SYNE2: variants seen among roughly 807,000 people sequenced by gnomAD.
SYNE2 encodes the protein spectrin repeat containing nuclear envelope protein 2.
In SYNE2, 431 loss-of-function variants were observed where a neutral mutation model predicts 856.3. The ratio of observed to expected loss-of-function variants is 0.50; its 90% confidence interval spans 0.47 to 0.55. The LOEUF is 0.55. Ranked by LOEUF, SYNE2 falls within the 20% of genes least tolerant of loss-of-function variation. The pLI, the probability that SYNE2 is intolerant of heterozygous loss-of-function variation, is 0.00. For missense variants in SYNE2, 8,129 were observed against 8,023.2 expected (o/e 1.01, Z -0.50); for synonymous variants, 2,923 against 2,872.3 (o/e 1.02, Z -0.56).
intron 41 of SYNE2, among the ~76,000 whole-genome samples, chr14:64,026,277 T>G (rs1226116061): frequency 6.6e-6 from 1 of 152,180 alleles, no homozygotes; most frequent in African/African-American, 2.4e-5. Flanking sequence ...TAACTCTCCA[T>G]CCATAAATAA....
intron 1 of SYNE2, among the ~76,000 whole-genome samples, chr14:63,772,657 C>A (rs1268413504): frequency 2.0e-5 from 3 of 149,214 alleles, no homozygotes; most frequent in East Asian, 2.1e-4. Flanking sequence ...GCAGGAGAAT[C>A]ACTTGAACCC....
chr14:63,979,664 A>G (rs1257869851), intron 14 of SYNE2, among the ~76,000 whole-genome samples: 1 of 152,216 alleles, frequency 6.6e-6, no homozygotes, highest in Non-Finnish European at 1.5e-5. Flanking sequence ...TGTAATCCCA[A>G]CACATTGGGA....
At chr14:64,136,620 A>C (rs913282418) in intron 78 of SYNE2, among the ~76,000 whole-genome samples, 8 of 152,342 alleles carry the variant, frequency 5.3e-5, no homozygotes, top group Admixed American at 3.9e-4. Flanking sequence ...TTACCTTTAG[A>C]CAGACTTCTC....
At chr14:64,083,258 C>G (rs192922910) in intron 57 of SYNE2, among the ~76,000 whole-genome samples, 1,749 of 151,760 alleles carry the variant, frequency 0.012, 13 homozygotes, top group Non-Finnish European at 0.019. Flanking sequence ...TTTGCCTTCC[C>G]CCACTTGGAT....
At chr14:63,933,838 C>T (rs1218603449) in intron 2 of SYNE2, among the ~76,000 whole-genome samples, 1 of 152,182 alleles carries the variant, frequency 6.6e-6, no homozygotes, top group Non-Finnish European at 1.5e-5. Flanking sequence ...TTGCTATAAG[C>T]ACGTGGCTCT....
intron 63 of SYNE2, among the ~76,000 whole-genome samples, chr14:64,101,219 T>C (rs1343959626): frequency 1.3e-5 from 2 of 152,180 alleles, no homozygotes; most frequent in Admixed American, 6.5e-5. Flanking sequence ...ACTTTGATAC[T>C]GTACCAATTT....
Position 64,224,435 on chromosome 14 carries a change from C to T in SYNE2, c.20383-26C>T, listed in dbSNP as rs200953809. On this transcript the variant is annotated intron_variant, in intron 113 of 115. Coordinates refer to ENST00000555002, the MANE Select transcript of SYNE2 (RefSeq NM_182914.3). The stretch of plus-strand genomic sequence containing the variant: ...AATATGCATGAAACACATTTCTGTG[C>T]TCAACCTTTGGGGTCTGAATTTCAG... The T allele has an allele frequency of 1.5e-4, 232 of 1,589,170 alleles. No individual in the cohort carries two copies. In the African/African-American group the frequency reaches 3.0e-3, roughly 20 times the overall value.
chr14:64,025,385 C>A lies in SYNE2; in HGVS notation c.6216C>A (p.Gly2072=), dbSNP rs1278805254. 6.2e-7 allele frequency: 1 copy of A among 1,613,438 alleles called. No homozygotes were observed. Among genetic ancestry groups the A allele is most frequent in the Non-Finnish European group, 8.5e-7 (1 of 1,179,924 alleles). ...TTATGGTTTTGAATTCATCCGAAGG[C>A]AAAATGCCACTTGAGGAAAGAATCC... is the stretch of plus-strand genomic sequence containing the variant. ...ESLMVLNSSE[G]KMPLEERIQK... The change falls in exon 41 of 116, where the codon GGC becomes GGA. Residue 2072 remains glycine (G), a synonymous_variant. Coordinates refer to ENST00000555002, the MANE Select transcript of SYNE2 (RefSeq NM_182914.3).
intron 1 of SYNE2, chr14:63,808,672 A>G (rs1257385947): frequency 2.0e-5 from 3 of 152,366 alleles, no homozygotes; most frequent in African/African-American, 7.2e-5. Flanking sequence ...CCACTCCATT[A>G]TCCACAATGT....
rs753894995 is a variant in SYNE2, at chr14:64,225,508, T to C, written c.20706T>C (p.Asn6902=). ...TTTACCCCATGCTGAGGTACACCAA[T>C]GGGCCACCCCCCACATAGAGGGCAT... ...RSFYPMLRYT[N]GPPPT Residue 6902 remains asparagine, a synonymous_variant, in exon 116 of 116, where the codon AAT becomes AAC. Transcript: ENST00000555002. The C allele has an allele frequency of 1.7e-5, 28 of 1,614,096 alleles. No individual in the cohort carries two copies. In the South Asian group the frequency reaches 3.1e-4, roughly 18 times the overall value.
At chr14:64,113,217 T>G in intron 65 of SYNE2, 124 bp from the exon 66 acceptor site, 1 of 1,547,654 alleles carries the variant, frequency 6.5e-7, no homozygotes, top group Non-Finnish European at 8.7e-7. Context: ...TTCTCTTTTC[T>G]TTCTTCCTTC....
rs2098714770 is a variant in SYNE2 at position 64,225,395 on chromosome 14, C to A, written c.20593C>A (p.Leu6865Ile). The part of the protein sequence containing the change: ...VRAALPLQLL[L>I]LLLLLLACLL... Reference sequence around the variant, plus strand: ...GGCAGCCCTACCCCTGCAGCTGCTCCTCCTGCTGCTGCTGCTCCTGGCCTG... The same window carrying A: ...GGCAGCCCTACCCCTGCAGCTGCTCATCCTGCTGCTGCTGCTCCTGGCCTG... Residue 6865 changes from leucine (L) to isoleucine (I), a missense_variant, in exon 116 of 116, where the codon CTC (leucine) becomes ATC (isoleucine). Physicochemically the swap from Leu to Ile is conservative, Grantham distance 5. Transcript: ENST00000555002. The A allele has an allele frequency of 1.9e-6, 3 of 1,614,070 alleles. No individual in the cohort carries two copies. The highest frequency in any genetic ancestry group is 2.5e-6 in the Non-Finnish European group (3 of 1,179,940).
chr14:63,975,360 T>C (rs2096533797), intron 11 of SYNE2, among the ~76,000 whole-genome samples: 1 of 152,188 alleles, frequency 6.6e-6, no homozygotes, highest in African/African-American at 2.4e-5. Flanking sequence ...TGAGACAGGG[T>C]CTTACTCTGT....
intron 18 of SYNE2, among the ~76,000 whole-genome samples, chr14:63,984,881 G>A (rs907180457): frequency 2.0e-5 from 3 of 152,296 alleles, no homozygotes; most frequent in South Asian, 2.1e-4. Flanking sequence ...AATCTGACCA[G>A]GCAAGGTGGC....
In SYNE2 at chr14:64,061,230, A is replaced by AT. The variant is rs1396673047; in HGVS notation, c.10068-1515dup. On this transcript the variant is annotated intron_variant, in intron 49 of 115. Transcript: ENST00000555002. ...TTGCTCCTCCTGCATACCTCACTTC[A>AT]TTTTTTCAAACCCATCATTATGACT... Among the ~76,000 whole-genome samples, 3 of 152,070 alleles carry AT rather than the reference A, an allele frequency of 2.0e-5. No homozygotes were observed. In the East Asian group the frequency reaches 5.8e-4, roughly 29 times the overall value.
intron 1 of SYNE2, among the ~76,000 whole-genome samples, chr14:63,858,493 T>C (rs1892550181): frequency 6.6e-6 from 1 of 151,776 alleles, no homozygotes; most frequent in Non-Finnish European, 1.5e-5. Flanking sequence ...CTCAGCTCAC[T>C]GCAACCTCTG....
intron 108 of SYNE2, 75 bp from the exon 109 acceptor site, chr14:64,218,323 T>C: frequency 7.5e-7 from 1 of 1,333,388 alleles, no homozygotes; most frequent in Non-Finnish European, 1.1e-6. Flanking sequence ...TCACTGTTAA[T>C]ATGAAATGAA....
At chr14:63,820,545 A>AT (rs1026678420) in intron 1 of SYNE2, among the ~76,000 whole-genome samples, 1 of 152,174 alleles carries the variant, frequency 6.6e-6, no homozygotes. Context: ...TAAAAATTTG[A>AT]TTTTTTCAAA....
intron 45 of SYNE2, among the ~76,000 whole-genome samples, chr14:64,044,076 A>G (rs898985317): frequency 2.0e-5 from 3 of 152,110 alleles, no homozygotes; most frequent in East Asian, 3.9e-4. Flanking sequence ...AGCTTGCACT[A>G]TTTGCCTGGA....
Sources: allele counts gnomAD v4.1 joint callset (sites outside exome capture counted in the v4.1 genomes callset), GRCh38; gene constraint gnomAD v4.1.1; transcripts MANE v1.5; gene names NCBI Gene and HGNC (gene_info 2026-07-23, HGNC 2026-07-21).